LRRC4C: variants seen among roughly 807,000 people sequenced by gnomAD.
LRRC4C encodes the protein leucine-rich repeat-containing protein 4C.
LRRC4C carries 5 observed loss-of-function variants against 33.6 expected under a neutral mutation model. That is an observed-to-expected ratio of 0.15 (90% CI 0.08 to 0.31). LRRC4C has a LOEUF of 0.31. Ranked by LOEUF, LRRC4C falls within the 10% of genes least tolerant of loss-of-function variation. LRRC4C has a pLI of 1.00. For missense variants in LRRC4C, 560 were observed against 796.7 expected, an observed-to-expected ratio of 0.70 and a Z score of 3.58; for synonymous variants, 329 against 302.0, an observed-to-expected ratio of 1.09 and a Z score of -0.93.
chr11:40,586,728 G>A (rs1285898612), intron 3 of LRRC4C, among the ~76,000 whole-genome samples: 1 of 150,474 alleles, frequency 6.6e-6, no homozygotes, highest in Non-Finnish European at 1.5e-5. Flanking sequence ...TTATTAAATA[G>A]GGAAGCCTTT....
chr11:40,676,604 T>C (rs1296133266), intron 2 of LRRC4C, among the ~76,000 whole-genome samples: 1 of 152,222 alleles, frequency 6.6e-6, no homozygotes, highest in Non-Finnish European at 1.5e-5. Flanking sequence ...GATAAATTTT[T>C]CCTTTGCTCC....
chr11:40,876,263 T>TTTG (rs1204027860), intron 2 of LRRC4C, among the ~76,000 whole-genome samples: 2 of 147,128 alleles, frequency 1.4e-5, no homozygotes, highest in African/African-American at 5.0e-5. Context: ...AGTTAGGGTT[T>TTTG]TTTTTTTTTT....
At chr11:40,399,633 T>C (rs1949683338) in intron 3 of LRRC4C, among the ~76,000 whole-genome samples, 1 of 151,944 alleles carries the variant, frequency 6.6e-6, no homozygotes, top group African/African-American at 2.4e-5. Flanking sequence ...TGTATACATA[T>C]GTAACTAACC....
intron 3 of LRRC4C, among the ~76,000 whole-genome samples, chr11:40,622,082 A>G (rs1016621909): frequency 9.9e-5 from 15 of 151,788 alleles, no homozygotes; most frequent in African/African-American, 3.6e-4. Flanking sequence ...ACTAAAACCA[A>G]TCTCTCAGGA....
chr11:41,163,882 G>A (rs1270046458), intron 1 of LRRC4C, among the ~76,000 whole-genome samples: 5 of 152,144 alleles, frequency 3.3e-5, no homozygotes, highest in Admixed American at 3.3e-4. Flanking sequence ...AAAGTGCTGA[G>A]ATTACAGGCA....
At chr11:40,179,847 T>C (rs997085988) in intron 5 of LRRC4C, among the ~76,000 whole-genome samples, 8 of 152,256 alleles carry the variant, frequency 5.3e-5, no homozygotes, top group African/African-American at 1.9e-4. Flanking sequence ...TTGGTCTTTT[T>C]AGTCGCATCT....
chr11:41,432,702 T>C (rs1007839391), intron 1 of LRRC4C, among the ~76,000 whole-genome samples: 1 of 152,020 alleles, frequency 6.6e-6, no homozygotes, highest in African/African-American at 2.4e-5. Context: ...TATAGGATAC[T>C]GTCATCATGG....
chr11:41,149,559 C>T (rs948510497), intron 1 of LRRC4C, among the ~76,000 whole-genome samples: 7 of 149,728 alleles, frequency 4.7e-5, no homozygotes, highest in Admixed American at 2.7e-4. Context: ...AGTGATATTG[C>T]TTCAGTATAG....
At chr11:40,656,749 C>A (rs113721723) in intron 2 of LRRC4C, among the ~76,000 whole-genome samples, 9 of 152,250 alleles carry the variant, frequency 5.9e-5, no homozygotes, top group African/African-American at 2.2e-4. Context: ...AGTGTTATAT[C>A]CCTCTAGAGT....
intron 5 of LRRC4C, among the ~76,000 whole-genome samples, chr11:40,220,439 T>G (rs904992797): frequency 6.6e-6 from 1 of 152,192 alleles, no homozygotes; most frequent in Non-Finnish European, 1.5e-5. Flanking sequence ...GATTGCCTTG[T>G]AAAAATCATT....
intron 2 of LRRC4C, among the ~76,000 whole-genome samples, chr11:40,826,724 T>A (rs1417738496): frequency 6.6e-6 from 1 of 151,972 alleles, no homozygotes; most frequent in Non-Finnish European, 1.5e-5. Context: ...ATTCAAGTAG[T>A]CCTGATATCT....
intron 1 of LRRC4C, among the ~76,000 whole-genome samples, chr11:41,059,225 T>TTTTTTTTTTTTTTA (rs1858881986): frequency 6.7e-6 from 1 of 149,582 alleles, no homozygotes; most frequent in African/African-American, 2.4e-5. Flanking sequence ...TTTTTTTTTT[T>TTTTTTTTTTTTTTA]AAGAAAAAGA....
rs113299070 is a variant in LRRC4C, at chr11:40,147,714, T to G, written c.-95-6861A>C. Among the ~76,000 whole-genome samples the G allele has an allele frequency of 4.1e-3, 619 of 152,168 alleles. 6 individuals carry two copies. Among genetic ancestry groups the G allele is most frequent in the African/African-American group, 0.014 (574 of 41,514 alleles). ...GAAAATAATTAAAAAACAGAATAAT[T>G]GAGAGGAAACTTTATTTTTTCTTTT... On this transcript the variant is annotated intron_variant, in intron 5 of 6. Coordinates refer to ENST00000528697, the MANE Select transcript of LRRC4C (RefSeq NM_001258419.2).
At chr11:40,471,021 G>T (rs989630979) in intron 3 of LRRC4C, among the ~76,000 whole-genome samples, 23 of 152,046 alleles carry the variant, frequency 1.5e-4, no homozygotes, top group Non-Finnish European at 3.2e-4. Flanking sequence ...TTCAAATTCA[G>T]GAAATACAGA....
intron 1 of LRRC4C, among the ~76,000 whole-genome samples, chr11:41,239,484 C>T (rs193094144): frequency 1.6e-3 from 241 of 152,182 alleles, no homozygotes; most frequent in African/African-American, 5.7e-3. Context: ...GGCCTTGTTG[C>T]TATGCTTTCA....
intron 2 of LRRC4C, among the ~76,000 whole-genome samples, chr11:40,785,345 A>T (rs1221159352): frequency 6.6e-6 from 1 of 152,162 alleles, no homozygotes; most frequent in Non-Finnish European, 1.5e-5. Flanking sequence ...CTTGCAAAAA[A>T]ATTTATTTTT....
intron 2 of LRRC4C, among the ~76,000 whole-genome samples, chr11:40,887,717 A>G (rs1390614387): frequency 6.6e-6 from 1 of 151,992 alleles, no homozygotes; most frequent in East Asian, 1.9e-4. Flanking sequence ...TTAACATAAC[A>G]TATTTTCTAG....
intron 3 of LRRC4C, among the ~76,000 whole-genome samples, chr11:40,635,628 A>T (rs990332637): frequency 3.8e-4 from 35 of 92,212 alleles, no homozygotes; most frequent in South Asian, 2.4e-3. Flanking sequence ...AAAGAACCAA[A>T]TTTTTTTTTT....
intron 2 of LRRC4C, among the ~76,000 whole-genome samples, chr11:40,698,153 A>G (rs1026468204): frequency 1.3e-5 from 2 of 152,080 alleles, no homozygotes; most frequent in Admixed American, 6.6e-5. Flanking sequence ...AAAGTACTTA[A>G]TAATATCAAA....
Sources: gnomAD v4.1 joint callset for allele counts (sites outside exome capture counted in the v4.1 genomes callset) on GRCh38, gnomAD v4.1.1 for gene constraint, MANE v1.5 for transcripts, NCBI Gene and HGNC (gene_info 2026-07-23, HGNC 2026-07-21) for gene names.